The following PPP2R2B variants were observed in gnomAD, a reference collection of about 807,000 sequenced individuals.
The protein encoded by PPP2R2B is serine/threonine-protein phosphatase 2A 55 kDa regulatory subunit B beta isoform.
PPP2R2B carries 5 observed loss-of-function variants against 46.0 expected under a neutral mutation model. The ratio of observed to expected loss-of-function variants is 0.11; its 90% CI spans 0.06 to 0.23. The LOEUF is 0.23. Ranked by LOEUF, PPP2R2B falls within the 10% of genes least tolerant of loss-of-function variation. The pLI, the probability that PPP2R2B is intolerant of heterozygous loss-of-function variation, is 1.00. For missense variants in PPP2R2B, 367 were observed against 575.0 expected, an observed-to-expected ratio of 0.64 and a Z score of 3.70; for synonymous variants, 215 against 206.7, an observed-to-expected ratio of 1.04 and a Z score of -0.34.
At chr5:146,616,578 A>G (rs565901452) in intron 7 of PPP2R2B, among the ~76,000 whole-genome samples, 18 of 152,352 alleles carry the variant, frequency 1.2e-4, no homozygotes, top group Admixed American at 5.9e-4. Flanking sequence ...ATATGAATAG[A>G]TATTTATCAA....
At chr5:146,943,332 G>T (rs1253461643) in intron 1 of PPP2R2B, among the ~76,000 whole-genome samples, 3 of 152,096 alleles carry the variant, frequency 2.0e-5, no homozygotes, top group African/African-American at 7.2e-5. Flanking sequence ...CAAAGGCCTT[G>T]TACTAATTCA....
chr5:146,901,080 G>C (rs1762821316), intron 1 of PPP2R2B, among the ~76,000 whole-genome samples: 1 of 152,128 alleles, frequency 6.6e-6, no homozygotes, highest in African/African-American at 2.4e-5. Flanking sequence ...GTGAATAGCA[G>C]CTATATTTTC....
At chr5:146,667,042 A>G (rs1777023370) in intron 5 of PPP2R2B, among the ~76,000 whole-genome samples, 1 of 152,122 alleles carries the variant, frequency 6.6e-6, no homozygotes, top group South Asian at 2.1e-4. Context: ...TGGTGGTAGG[A>G]ATCTACTGAA....
rs188450498 is a variant in PPP2R2B at position 146,665,279 on chromosome 5, G to C, written c.448-14555C>G. On this transcript the variant is annotated intron_variant, in intron 5 of 9. Transcript: ENST00000394411. ...CACTGAAGCTCTGTTGTTTAGTGTA[G>C]CCACCGCCACCCATGATCTTAGCTA... Among the ~76,000 whole-genome samples, 1,163 of 152,274 alleles carry C rather than the reference G, an allele frequency of 7.6e-3. 8 individuals are homozygous for C. The highest frequency in any genetic ancestry group is 0.012 in the Non-Finnish European group (844 of 68,022).
chr5:146,850,215 C>T (rs754629305), intron 2 of PPP2R2B, among the ~76,000 whole-genome samples: 12 of 152,218 alleles, frequency 7.9e-5, no homozygotes, highest in Non-Finnish European at 1.3e-4. Context: ...GACTGCTTCA[C>T]GTGGGCATAT....
chr5:146,868,727 T>A (rs1251707914), intron 2 of PPP2R2B, among the ~76,000 whole-genome samples: 3 of 152,238 alleles, frequency 2.0e-5, no homozygotes, highest in African/African-American at 7.2e-5. Context: ...CTTGTATTGA[T>A]TGATTCAGAA....
chr5:146,603,963 T>A (rs1772025754), intron 7 of PPP2R2B, among the ~76,000 whole-genome samples: 1 of 152,196 alleles, frequency 6.6e-6, no homozygotes, highest in African/African-American at 2.4e-5. Flanking sequence ...AAGTTAAGTG[T>A]CTTGTATGCA....
chr5:146,956,256 A>G (rs955794517), intron 1 of PPP2R2B, among the ~76,000 whole-genome samples: 2 of 152,112 alleles, frequency 1.3e-5, no homozygotes, highest in Non-Finnish European at 1.5e-5. Flanking sequence ...ATTAATTATT[A>G]CAAGGTTTTT....
intron 2 of PPP2R2B, among the ~76,000 whole-genome samples, chr5:146,756,163 T>C (rs1269651716): frequency 6.6e-6 from 1 of 152,166 alleles, no homozygotes; most frequent in Non-Finnish European, 1.5e-5. Flanking sequence ...TCTGAATCAG[T>C]AGTTTTGTAA....
At chr5:146,798,248 T>A (rs1756661180) in intron 2 of PPP2R2B, among the ~76,000 whole-genome samples, 1 of 152,200 alleles carries the variant, frequency 6.6e-6, no homozygotes, top group African/African-American at 2.4e-5. Context: ...TTGTTTTTCA[T>A]CTTCCAAGGA....
chr5:146,582,066 T>G lies in PPP2R2B; in HGVS notation c.*7881A>C, dbSNP rs1769921568. ...TCCCAGCTGCCCACAGAGCTTCCCC[T>G]GCAATATTGTGGACACCCAGGCAAA... On this transcript the variant is annotated 3_prime_UTR_variant, in exon 10 of 10. Transcript: ENST00000394411. 1 of 152,290 alleles carries G rather than the reference T, an allele frequency of 6.6e-6. No individual in the cohort carries two copies. Among genetic ancestry groups the G allele is most frequent in the Non-Finnish European group, 1.5e-5 (1 of 68,090 alleles). 9.4% of individuals were successfully genotyped at this position (152,290 alleles called of 1,614,324 possible).
chr5:146,719,805 T>TTTTTTTTTTTTTTTTTTTTGAGA (rs1561856623), intron 2 of PPP2R2B, among the ~76,000 whole-genome samples: 1 of 152,004 alleles, frequency 6.6e-6, no homozygotes, highest in African/African-American at 2.4e-5. Context: ...TGAGTTTCTA[T>TTTTTTTTTTTTTTTTTTTTGAGA]CATCTAAAAA....
chr5:146,817,357 G>A (rs1327427103), intron 2 of PPP2R2B, among the ~76,000 whole-genome samples: 1 of 152,080 alleles, frequency 6.6e-6, no homozygotes, highest in Admixed American at 6.6e-5. Context: ...TCACCACTTA[G>A]GACAGAGATG....
intron 1 of PPP2R2B, among the ~76,000 whole-genome samples, chr5:146,883,787 T>C (rs1762240867): frequency 6.6e-6 from 1 of 152,234 alleles, no homozygotes; most frequent in Admixed American, 6.5e-5. Context: ...AACGTGGCAT[T>C]TAATCTGGGA....
At position 146,707,193 on chromosome 5, in the gene PPP2R2B, G is replaced by T. The variant is rs1020563697; in HGVS notation, c.71-6051C>A. On this transcript the variant is annotated intron_variant, in intron 2 of 9. Coordinates refer to ENST00000394411, the MANE Select transcript of PPP2R2B (RefSeq NM_181675.4). ...GCCTAAGGCTGTTGATGTAGCTCTC[G>T]AATATGTTGTCCATGTTGCTCCCAG... The T allele has an allele frequency of 5.7e-6, 9 of 1,571,010 alleles. No homozygotes were observed. In the African/African-American group the frequency reaches 1.1e-4, roughly 19 times the overall value.
intron 2 of PPP2R2B, among the ~76,000 whole-genome samples, chr5:146,831,456 C>T (rs1158775565): frequency 8.0e-6 from 1 of 125,210 alleles, no homozygotes; most frequent in Non-Finnish European, 1.6e-5. Context: ...GAGATTGCGG[C>T]ACTGCACTCC....
intron 2 of PPP2R2B, among the ~76,000 whole-genome samples, chr5:146,783,801 A>G (rs1393760919): frequency 1.3e-5 from 2 of 152,244 alleles, no homozygotes; most frequent in East Asian, 1.9e-4. Flanking sequence ...CTAAATATCA[A>G]TTCCATCCCA....
intron 2 of PPP2R2B, among the ~76,000 whole-genome samples, chr5:146,811,622 G>T (rs562587681): frequency 7.1e-6 from 1 of 141,612 alleles, no homozygotes; most frequent in East Asian, 2.1e-4. Context: ...GTGCAGTGGC[G>T]CGATCTCGGC....
At chr5:146,936,293 T>C (rs745654317) in intron 1 of PPP2R2B, among the ~76,000 whole-genome samples, 2 of 152,076 alleles carry the variant, frequency 1.3e-5, no homozygotes. Context: ...ATTGTGCCCA[T>C]CCATTATTAC....
Sources: allele counts gnomAD v4.1 joint callset (sites outside exome capture counted in the v4.1 genomes callset), GRCh38; gene constraint gnomAD v4.1.1; transcripts MANE v1.5; gene names NCBI Gene and HGNC (gene_info 2026-07-23, HGNC 2026-07-21).